Variants in ERC2 observed in about 807,000 individuals in gnomAD.
The protein encoded by ERC2 is ELKS/RAB6-interacting/CAST family member 2, also known as ERC protein 2.
Under a neutral mutation model 114.8 loss-of-function variants are expected in ERC2, and 42 were observed. The observed-to-expected ratio is 0.37, with a 90% CI of 0.29 to 0.47. The LOEUF (loss-of-function observed/expected upper bound fraction) is 0.47. ERC2 is among the 20% of genes least tolerant of loss of function. The pLI is 0.99. For missense variants in ERC2, 939 were observed against 1,150.7 expected, an observed-to-expected ratio of 0.82 and a Z score of 2.66; for synonymous variants, 454 against 425.5, an observed-to-expected ratio of 1.07 and a Z score of -0.82.
chr3:56,191,167 CTTGCTAGGCAGG>C, intron 3 of ERC2, among the ~76,000 whole-genome samples: 1 of 152,126 alleles, frequency 6.6e-6, no homozygotes, highest in South Asian at 2.1e-4. Context: ...TGGAAGAGAC[CTTGCTAGGCAGG>C]CTGGTAGCCA....
At position 55,618,801 on chromosome 3, in the gene ERC2, A is replaced by G. The variant is rs190892008; in HGVS notation, c.*39+64993T>C. Among the ~76,000 whole-genome samples the G allele has an allele frequency of 1.2e-3, 188 of 152,354 alleles. 1 individual carries two copies. Among genetic ancestry groups the G allele is most frequent in the Admixed American group, 2.2e-3 (33 of 15,306 alleles). On this transcript the variant is annotated intron_variant, in intron 17 of 17. Coordinates refer to ENST00000288221, the MANE Select transcript of ERC2 (RefSeq NM_015576.3). ...AGAAATGTTAAAACACTAAAGCAGA[A>G]CAATAAAATTGAATAAAAACAAAAC...
rs28647346 is a variant in ERC2, at chr3:55,852,580, G to A, written c.2564+35809C>T. ...TTCCCTTGTAGATAATCTAGTGATC[G>A]GGTTAAAAATTCCTTTAAAAAAATC... On this transcript the variant is annotated intron_variant, in intron 14 of 17. Coordinates refer to ENST00000288221, the MANE Select transcript of ERC2 (RefSeq NM_015576.3). 8.6e-3 allele frequency: 1,315 copies of A among 153,682 alleles called. 23 individuals carry two copies. The highest frequency in any genetic ancestry group is 0.03 in the African/African-American group (1,250 of 41,530). The allele number at this position is 153,682 out of a possible 1,614,324, so 9.5% of individuals were successfully genotyped here.
rs150870207 is a variant in ERC2, at chr3:56,442,408, C to T, written c.-140-7261G>A. Among the ~76,000 whole-genome samples, 34 of 152,042 alleles carry T rather than the reference C, an allele frequency of 2.2e-4. No individual in the cohort carries two copies. The East Asian group carries it at 4.1e-3, about 18-fold the overall frequency. On this transcript the variant is annotated intron_variant, in intron 1 of 17. Transcript: ENST00000288221. The stretch of plus-strand genomic sequence containing the variant: ...CAAATTTTTGTAATTTTTGAAGAAA[C>T]GGGGTTTTGTCATGTTGCCCAGGCT...
intron 6 of ERC2, among the ~76,000 whole-genome samples, chr3:56,124,622 A>G (rs1047130522): frequency 1.3e-5 from 2 of 152,238 alleles, no homozygotes; most frequent in Non-Finnish European, 2.9e-5. Context: ...ATAAGACAAG[A>G]AGGCTCCATT....
At chr3:56,030,091 T>C (rs1034833345) in intron 7 of ERC2, among the ~76,000 whole-genome samples, 11 of 152,192 alleles carry the variant, frequency 7.2e-5, no homozygotes, top group African/African-American at 2.7e-4. Flanking sequence ...AGCAGTGTGA[T>C]ATATAATTTT....
chr3:55,728,494 G>A (rs888568261), intron 15 of ERC2, among the ~76,000 whole-genome samples: 1 of 152,128 alleles, frequency 6.6e-6, no homozygotes, highest in African/African-American at 2.4e-5. Context: ...AACATTCCAG[G>A]CAAAGGGAAG....
intron 2 of ERC2, among the ~76,000 whole-genome samples, chr3:56,342,284 A>G (rs2058118109): frequency 1.3e-5 from 2 of 152,252 alleles, no homozygotes; most frequent in Non-Finnish European, 2.9e-5. Flanking sequence ...ATAAATTCAT[A>G]CAATGAAATA....
At chr3:56,183,585 T>C (rs1309043089) in intron 3 of ERC2, among the ~76,000 whole-genome samples, 1 of 152,238 alleles carries the variant, frequency 6.6e-6, no homozygotes, top group Non-Finnish European at 1.5e-5. Flanking sequence ...CTCTTTGTTC[T>C]GTGCTCTGAC....
chr3:56,425,417 A>G (rs962001498), intron 2 of ERC2, among the ~76,000 whole-genome samples: 1 of 152,204 alleles, frequency 6.6e-6, no homozygotes, highest in Non-Finnish European at 1.5e-5. Flanking sequence ...AGAGGCAGAC[A>G]TTGAGAACCA....
At chr3:56,064,236 A>G (rs74606573) in intron 7 of ERC2, among the ~76,000 whole-genome samples, 1,655 of 152,286 alleles carry the variant, frequency 0.011, 21 homozygotes, top group African/African-American at 0.037. Context: ...GGCAAGCCCT[A>G]AGAAACGTGT....
intron 2 of ERC2, among the ~76,000 whole-genome samples, chr3:56,303,604 T>C (rs1333387853): frequency 6.6e-6 from 1 of 152,102 alleles, no homozygotes; most frequent in Non-Finnish European, 1.5e-5. Flanking sequence ...TACAAGGAAG[T>C]AAGGGAAATC....
chr3:55,580,650 G>C (rs2057215534), intron 17 of ERC2, among the ~76,000 whole-genome samples: 1 of 152,108 alleles, frequency 6.6e-6, no homozygotes, highest in South Asian at 2.1e-4. Flanking sequence ...TAAGTGTCTG[G>C]ATTGACTTCA....
intron 1 of ERC2, among the ~76,000 whole-genome samples, chr3:56,443,505 A>G (rs996763995): frequency 6.6e-6 from 1 of 152,190 alleles, no homozygotes; most frequent in Non-Finnish European, 1.5e-5. Flanking sequence ...TCAGTTGACA[A>G]CATAAAGCAA....
At chr3:55,925,874 C>T (rs1429012945) in intron 13 of ERC2, among the ~76,000 whole-genome samples, 1 of 152,120 alleles carries the variant, frequency 6.6e-6, no homozygotes, top group Non-Finnish European at 1.5e-5. Flanking sequence ...CTGTAAAATA[C>T]ACAAAGCTAT....
chr3:55,821,849 C>T (rs1575715236), intron 14 of ERC2, among the ~76,000 whole-genome samples: 1 of 152,220 alleles, frequency 6.6e-6, no homozygotes, highest in Admixed American at 6.5e-5. Flanking sequence ...CAGTAGATTA[C>T]CATAGGCTGG....
In ERC2 at chr3:55,532,392, G is replaced by A. The variant is rs1180329266; in HGVS notation, c.*40-21116C>T. Among the ~76,000 whole-genome samples, 8 of 152,320 alleles carry A rather than the reference G, an allele frequency of 5.3e-5. No individual in the cohort carries two copies. The East Asian group carries it at 1.3e-3, about 26-fold the overall frequency. ...AAACAACACCAGCAACAGGGACTAA[G>A]CTGGGGCTTGTCATGGGGTACAAAA... On this transcript the variant is annotated intron_variant, in intron 17 of 17. Coordinates refer to ENST00000288221, the MANE Select transcript of ERC2 (RefSeq NM_015576.3).
chr3:56,268,374 T>C (rs2053458445), intron 3 of ERC2, among the ~76,000 whole-genome samples: 2 of 152,324 alleles, frequency 1.3e-5, no homozygotes, highest in South Asian at 2.1e-4. Context: ...TCTTAGAACG[T>C]ATCCCCATCG....
intron 17 of ERC2, among the ~76,000 whole-genome samples, chr3:55,608,144 A>G (rs1210323367): frequency 6.6e-6 from 1 of 152,202 alleles, no homozygotes; most frequent in Admixed American, 6.5e-5. Context: ...TTGACCAAAG[A>G]CACGTAGTCC....
intron 3 of ERC2, among the ~76,000 whole-genome samples, chr3:56,272,987 C>A (rs1440063611): frequency 6.6e-6 from 1 of 152,194 alleles, no homozygotes; most frequent in Non-Finnish European, 1.5e-5. Flanking sequence ...AACGCAATAA[C>A]CATGTTAACC....
Sources: gnomAD v4.1 joint callset for allele counts (sites outside exome capture counted in the v4.1 genomes callset) on GRCh38, gnomAD v4.1.1 for gene constraint, MANE v1.5 for transcripts, NCBI Gene and HGNC (gene_info 2026-07-23, HGNC 2026-07-21) for gene names.